RNF20: variants seen among roughly 807,000 people sequenced by gnomAD.
RNF20 encodes the protein E3 ubiquitin-protein ligase BRE1A.
In RNF20, 84 loss-of-function variants were observed where a neutral mutation model predicts 126.2. The observed-to-expected ratio is 0.67, with a 90% CI of 0.56 to 0.80. The LOEUF (loss-of-function observed/expected upper bound fraction) is 0.80. RNF20 is among the 30% of genes least tolerant of loss of function. RNF20 has a pLI of 0.00. For synonymous variants in RNF20, 400 were observed against 414.3 expected, an observed-to-expected ratio of 0.97 and a Z score of 0.42; for missense variants, 869 against 1,188.2, an observed-to-expected ratio of 0.73 and a Z score of 3.95.
At chr9:101,543,674 A>G (rs1827299684) in intron 5 of RNF20, among the ~76,000 whole-genome samples, 1 of 152,262 alleles carries the variant, frequency 6.6e-6, no homozygotes, top group Non-Finnish European at 1.5e-5. Flanking sequence ...AAAGAATTGC[A>G]TTTATGGGCT....
chr9:101,540,260 G>A lies in RNF20; in HGVS notation c.187G>A (p.Asp63Asn). 6.2e-7 allele frequency: 1 copy of A among 1,614,170 alleles called. No individual in the cohort carries two copies. Among genetic ancestry groups the A allele is most frequent in the Admixed American group, 1.7e-5 (1 of 60,012 alleles). Residue 63 changes from aspartate to asparagine, a missense_variant, in exon 3 of 20, where the codon GAT becomes AAT. Around this residue, in one of 8 missense-constraint regions of RNF20, gnomAD observed 157 missense variants for 236.0 expected, o/e 0.67. Transcript: ENST00000389120. ...TKNRKLAEML[D>N]QRQAIEDELR... ...AAATCGCAAGCTGGCAGAAATGTTG[G>A]ATCAGCGGCAGGCCATTGAAGATGA...
chr9:101,556,079 T>C (rs922021173), intron 15 of RNF20, among the ~76,000 whole-genome samples: 1 of 152,044 alleles, frequency 6.6e-6, no homozygotes, highest in East Asian at 1.9e-4. Flanking sequence ...CTAGAACAAG[T>C]AAAAAGAAAG....
intron 1 of RNF20, among the ~76,000 whole-genome samples, chr9:101,534,940 C>T (rs879609368): frequency 3.3e-5 from 5 of 149,434 alleles, no homozygotes; most frequent in Non-Finnish European, 5.9e-5. Flanking sequence ...CGGAGTCCCG[C>T]TCTGTTGCCC....
At chr9:101,556,008 A>G (rs1475169988) in intron 15 of RNF20, among the ~76,000 whole-genome samples, 1 of 145,468 alleles carries the variant, frequency 6.9e-6, no homozygotes, top group Non-Finnish European at 1.5e-5. Flanking sequence ...GGTAAATGCC[A>G]CTTTTTTTTT....
intron 16 of RNF20, among the ~76,000 whole-genome samples, chr9:101,560,480 T>G (rs922635496): frequency 2.0e-5 from 3 of 152,204 alleles, no homozygotes; most frequent in East Asian, 1.9e-4. Context: ...CTTGGACTTT[T>G]GTTTGAGTTC....
chr9:101,553,293 C>G (rs1409599371), intron 13 of RNF20, among the ~76,000 whole-genome samples: 1 of 152,150 alleles, frequency 6.6e-6, no homozygotes, highest in Non-Finnish European at 1.5e-5. Context: ...TGCATTGGCC[C>G]TTCTCCTGTA....
chr9:101,540,185 G>T lies in RNF20; in HGVS notation c.130-18G>T, dbSNP rs141916692. ...CTTATTTCTTTGTGGAGACTAATAC[G>T]ATTGGTTTACTGGGCAGGAGGAACT... On this transcript the variant is annotated intron_variant, in intron 2 of 19. Coordinates refer to ENST00000389120, the MANE Select transcript of RNF20 (RefSeq NM_019592.7). The T allele has an allele frequency of 3.7e-6, 6 of 1,610,790 alleles. No individual in the cohort carries two copies. The highest frequency in any genetic ancestry group is 3.3e-5 in the Admixed American group (2 of 59,868).
chr9:101,562,160 T>G (rs1447990761), intron 19 of RNF20, 86 bp from the exon 20 acceptor site: 1 of 1,438,706 alleles, frequency 7.0e-7, no homozygotes, highest in Non-Finnish European at 9.5e-7. Flanking sequence ...GCCTTGTGGG[T>G]TTTCTTCTTG....
At position 101,550,649 on chromosome 9, in the gene RNF20, C is replaced by T. The variant is rs1827427731; in HGVS notation, c.1136C>T (p.Pro379Leu). The change falls in exon 10 of 20, where the codon CCA becomes CTA. Residue 379 changes from proline to leucine, a missense_variant. By Grantham distance (98) the Pro-to-Leu change is moderately conservative (BLOSUM62 -3). Around this residue, in one of 8 missense-constraint regions of RNF20, gnomAD observed 153 missense variants for 226.4 expected, o/e 0.68. Transcript: ENST00000389120. The part of the protein sequence containing the change: ...SAVEQVVKET[P>L]EYRCMQSQFS... ...GTGGAGCAAGTCGTTAAGGAAACTC[C>T]AGAATATCGCTGCATGCAGTCACAG... 1 of 1,613,982 alleles carries T rather than the reference C, an allele frequency of 6.2e-7. No homozygotes were observed. Among genetic ancestry groups the T allele is most frequent in the African/African-American group, 1.3e-5 (1 of 74,908 alleles).
intron 2 of RNF20, among the ~76,000 whole-genome samples, 191 bp downstream of exon 2, chr9:101,535,743 G>C (rs547529366): frequency 6.6e-6 from 1 of 152,212 alleles, no homozygotes; most frequent in African/African-American, 2.4e-5. Context: ...GTTGTTCTTT[G>C]TTTTCAAGGT....
rs543646468 is a variant in RNF20, at chr9:101,543,933, G to GC, written c.629-833dup. 4.3e-3 allele frequency among the ~76,000 whole-genome samples: 656 copies of GC among 152,312 alleles called. 4 individuals are homozygous for GC. Among genetic ancestry groups the GC allele is most frequent in the Non-Finnish European group, 7.3e-3 (498 of 68,030 alleles). On this transcript the variant is annotated intron_variant, in intron 5 of 19. Coordinates refer to ENST00000389120, the MANE Select transcript of RNF20 (RefSeq NM_019592.7). ...AAAGTTCCACAAGTGATTCTGATGG[G>GC]CAAGCCTAGCTTGAAAACCATGAAA... is the stretch of plus-strand genomic sequence containing the variant.
Position 101,554,041 on chromosome 9 carries a change from C to G in RNF20, c.1955C>G (p.Ser652Cys). The change falls in exon 14 of 20, where the codon TCT becomes TGT. Residue 652 changes from serine (S) to cysteine (C), a missense_variant. Around this residue, in one of 8 missense-constraint regions of RNF20, gnomAD observed 231 missense variants for 263.6 expected, o/e 0.88. Transcript: ENST00000389120. ...AAACTATTGCTGGATATGTACCGTT[C>G]TGCCCCAAAGGAACAGAGAGACAAA... ...EMKLLLDMYR[S>C]APKEQRDKVQ... 3.1e-6 allele frequency: 5 copies of G among 1,613,760 alleles called. No individual in the cohort carries two copies. Among genetic ancestry groups the G allele is most frequent in the Non-Finnish European group, 4.2e-6 (5 of 1,179,764 alleles).
In RNF20 at chr9:101,557,433, A is replaced by G. The variant is rs952077083; in HGVS notation, c.2219A>G (p.Glu740Gly). ...SEMDVTGQAF[E>G]DMQEQNIRLM... ...ATGGATGTCACAGGCCAGGCCTTTGAAGACATGCAGGAGCAAAATATCCGT... is the reference window on the plus strand; with the variant it reads ...ATGGATGTCACAGGCCAGGCCTTTGGAGACATGCAGGAGCAAAATATCCGT... The change falls in exon 16 of 20, where the codon GAA becomes GGA. Residue 740 changes from glutamate to glycine, a missense_variant. Coordinates refer to ENST00000389120, the MANE Select transcript of RNF20 (RefSeq NM_019592.7). 1 of 1,614,050 alleles carries G rather than the reference A, an allele frequency of 6.2e-7. No individual in the cohort carries two copies. Among genetic ancestry groups the G allele is most frequent in the Non-Finnish European group, 8.5e-7 (1 of 1,179,932 alleles).
At chr9:101,548,639 A>C (rs1369479370) in intron 9 of RNF20, among the ~76,000 whole-genome samples, 2 of 152,152 alleles carry the variant, frequency 1.3e-5, no homozygotes, top group Non-Finnish European at 2.9e-5. Context: ...ACAAAGAAAA[A>C]ATGTTAAGTT....
intron 15 of RNF20, among the ~76,000 whole-genome samples, chr9:101,556,595 C>A (rs766810452): frequency 1.3e-5 from 2 of 151,938 alleles, no homozygotes; most frequent in East Asian, 3.9e-4. Flanking sequence ...TAGAAGAAAA[C>A]CATTAAATTC....
In RNF20 at chr9:101,546,862, G is replaced by C; in HGVS notation, c.790G>C (p.Val264Leu). ...TAAAGTGGAGACAGCCGAATCACGA[G>C]TGTCTGTCCTGGAGTCCATGATTGA... ...QSKVETAESR[V>L]SVLESMIDDL... Residue 264 changes from valine to leucine, a missense_variant, in exon 7 of 20, where the codon GTG becomes CTG. This residue lies in a region of RNF20 where 103 missense variants were observed against 94.3 expected (regional missense o/e 1.09). Coordinates refer to ENST00000389120, the MANE Select transcript of RNF20 (RefSeq NM_019592.7). 1.2e-6 allele frequency: 2 copies of C among 1,614,154 alleles called. No homozygotes were observed. Among genetic ancestry groups the C allele is most frequent in the Non-Finnish European group, 1.7e-6 (2 of 1,179,996 alleles).
At position 101,552,764 on chromosome 9, in the gene RNF20, C is replaced by A. The variant is rs756567777; in HGVS notation, c.1901+11C>A. ...GAAGATTGAACTCAAGTAAGAACCA[C>A]ATTTAGAGTAACAGTTTCGACTGAA... On this transcript the variant is annotated intron_variant, in intron 13 of 19. Transcript: ENST00000389120. 2.0e-5 allele frequency: 32 copies of A among 1,585,232 alleles called. No homozygotes were observed. Among genetic ancestry groups the A allele is most frequent in the Non-Finnish European group, 2.7e-5 (32 of 1,167,204 alleles).
At position 101,562,451 on chromosome 9, in the gene RNF20, C is replaced by T. The variant is rs1326570709; in HGVS notation, c.*29C>T. On this transcript the variant is annotated 3_prime_UTR_variant, in exon 20 of 20. Coordinates refer to ENST00000389120, the MANE Select transcript of RNF20 (RefSeq NM_019592.7). The stretch of plus-strand genomic sequence containing the variant: ...AAGTCAAGAGAAGAAGAGGAGCTGG[C>T]TAGTCAGGAACTTATTCATTAACCA... 2 of 1,588,208 alleles carry T rather than the reference C, an allele frequency of 1.3e-6. No homozygotes were observed. Among genetic ancestry groups the T allele is most frequent in the South Asian group, 1.1e-5 (1 of 89,002 alleles).
At chr9:101,547,923 A>G (rs529380728) in intron 9 of RNF20, among the ~76,000 whole-genome samples, 2 of 152,362 alleles carry the variant, frequency 1.3e-5, no homozygotes, top group Non-Finnish European at 2.9e-5. Context: ...AAAACCTTAC[A>G]GGCTCCACGA....
Sources: gnomAD v4.1 joint callset for allele counts (sites outside exome capture counted in the v4.1 genomes callset) on GRCh38, gnomAD v4.1.1 for gene constraint, gnomAD v4.1.1 regional missense constraint, MANE v1.5 for transcripts, NCBI Gene and HGNC (gene_info 2026-07-23, HGNC 2026-07-21) for gene names.